Variants in FGF3 observed in about 807,000 individuals in gnomAD.
FGF3 encodes the protein fibroblast growth factor 3, also known as FGF-3.
FGF3 carries 7 observed loss-of-function variants against 9.8 expected under a neutral mutation model. The ratio of observed to expected loss-of-function variants is 0.72; its 90% CI spans 0.41 to 1.35. The LOEUF is 1.35. FGF3 is among the 40% of genes most tolerant of loss of function. FGF3 has a pLI of 0.01. For missense variants in FGF3, 390 were observed against 345.6 expected (o/e 1.13, Z -1.02); for synonymous variants, 173 against 157.2 (o/e 1.10, Z -0.75).
At position 69,818,868 on chromosome 11, in the gene FGF3, C is replaced by G; in HGVS notation, c.66G>C (p.Gly22=). 1 of 1,464,192 alleles carries G rather than the reference C, an allele frequency of 6.8e-7. No individual in the cohort carries two copies. The highest frequency in any genetic ancestry group is 9.0e-7 in the Non-Finnish European group (1 of 1,114,410). The allele number at this position is 1,464,192 out of a possible 1,614,324, so 90.7% of individuals were successfully genotyped here. ...CGCCCGCATCGCGCCGCAACCGCGC[C>G]CCAGGGCCCGCTGCGGGCCAGCCGG... ...LEPGWPAAGP[G]ARLRRDAGGR... is the part of the protein sequence containing the mutation. Residue 22 remains glycine (G), a synonymous_variant, in exon 1 of 3, where the codon GGG becomes GGC. Transcript: ENST00000334134.
At position 69,818,754 on chromosome 11, in the gene FGF3, C is replaced by T. The variant is rs1554981394; in HGVS notation, c.180G>A (p.Pro60=). The T allele has an allele frequency of 1.3e-6, 2 of 1,494,892 alleles. No individual in the cohort carries two copies. Among genetic ancestry groups the T allele is most frequent in the Admixed American group, 2.2e-5 (1 of 46,010 alleles). 92.6% of individuals were successfully genotyped at this position (1,494,892 alleles called of 1,614,324 possible). A position where few individuals can be genotyped will look rare whatever the true frequency, so the allele number is the denominator to read the frequency against. The change falls in exon 1 of 3, where the codon CCG becomes CCA. Residue 60 remains proline (P), a synonymous_variant. Coordinates refer to ENST00000334134, the MANE Select transcript of FGF3 (RefSeq NM_005247.4). ...CCAGGCTGCCGTTGACGCGGCCGCT[C>T]GGGTGCAGCTGGAGGTGGTACTTCG... The part of the protein sequence containing the change: ...CATKYHLQLH[P]SGRVNGSLEN...
chr11:69,818,682 TC>T, intron 1 of FGF3, 31 bp downstream of exon 1: 9 of 1,432,592 alleles, frequency 6.3e-6, no homozygotes, highest in South Asian at 5.5e-5. Flanking sequence ...CGGCGCCGCT[TC>T]CCCCGGGGCC....
chr11:69,815,776 A>G (rs1554981038), intron 2 of FGF3, among the ~76,000 whole-genome samples: 1 of 152,188 alleles, frequency 6.6e-6, no homozygotes, highest in Admixed American at 6.5e-5. Flanking sequence ...CCCAGGCAGT[A>G]GATAGACTGG....
In FGF3 at chr11:69,818,974, C is replaced by A. The variant is rs1308713489; in HGVS notation, c.-41G>T. ...GCCCCGCGGCGGCGGCGGCTGCAGG[C>A]GAGCGCGGCGCCCATGGAAGGGGCG... is the stretch of plus-strand genomic sequence containing the variant. On this transcript the variant is annotated 5_prime_UTR_variant, in exon 1 of 3. Coordinates refer to ENST00000334134, the MANE Select transcript of FGF3 (RefSeq NM_005247.4). 12 of 1,352,914 alleles carry A rather than the reference C, an allele frequency of 8.9e-6. No homozygotes were observed. The highest frequency in any genetic ancestry group is 1.1e-5 in the Non-Finnish European group (11 of 1,024,122). The allele number at this position is 1,352,914 out of a possible 1,614,324, so 83.8% of individuals were successfully genotyped here.
In FGF3 at chr11:69,816,302, G is replaced by T; in HGVS notation, c.324+18C>A. Reference sequence around the variant, plus strand: ...CGCTACTCCGTCAGCGCCCACCCACGTGACAGCCTGGACTCACCGAAGCAT... The same window carrying T: ...CGCTACTCCGTCAGCGCCCACCCACTTGACAGCCTGGACTCACCGAAGCAT... On this transcript the variant is annotated intron_variant, in intron 2 of 2. Coordinates refer to ENST00000334134, the MANE Select transcript of FGF3 (RefSeq NM_005247.4). The T allele has an allele frequency of 6.3e-7, 1 of 1,594,364 alleles. No individual in the cohort carries two copies. The highest frequency in any genetic ancestry group is 8.6e-7 in the Non-Finnish European group (1 of 1,162,122).
At chr11:69,813,942 G>T (rs1554980808) in intron 2 of FGF3, among the ~76,000 whole-genome samples, 6 of 151,134 alleles carry the variant, frequency 4.0e-5, no homozygotes, top group Admixed American at 1.3e-4. Flanking sequence ...ATGGGTTGAT[G>T]GGTGGATGGG....
At chr11:69,811,363 T>A (rs1281958494) in intron 2 of FGF3, among the ~76,000 whole-genome samples, 2 of 143,470 alleles carry the variant, frequency 1.4e-5, no homozygotes, top group African/African-American at 5.3e-5. Flanking sequence ...GGCAGGAGAA[T>A]CACTTGAACC....
rs281860300 is a variant in FGF3 at position 69,818,788 on chromosome 11, T to C, written c.146A>G (p.Tyr49Cys). 4.0e-6 allele frequency: 6 copies of C among 1,495,158 alleles called. No individual in the cohort carries two copies. Among genetic ancestry groups the C allele is most frequent in the African/African-American group, 1.5e-5 (1 of 68,720 alleles). 92.6% of individuals were successfully genotyped at this position (1,495,158 alleles called of 1,614,324 possible). A position where few individuals can be genotyped will look rare whatever the true frequency, so the allele number is the denominator to read the frequency against. Residue 49 changes from tyrosine to cysteine, a missense_variant, in exon 1 of 3, where the codon TAC becomes TGC. Physicochemically the swap from Tyr to Cys is radical, Grantham distance 194. Transcript: ENST00000334134. ...CTGGAGGTGGTACTTCGTGGCGCAG[T>C]AGAGCTTGCGGCGCCGGGGCGCCCC... ...LGGAPRRRKL[Y>C]CATKYHLQLH...
At position 69,810,578 on chromosome 11, in the gene FGF3, G is replaced by A. The variant is rs782760250; in HGVS notation, c.447C>T (p.Ala149=). The change falls in exon 3 of 3, where the codon GCC becomes GCT. Residue 149 remains alanine (A), a synonymous_variant. Coordinates refer to ENST00000334134, the MANE Select transcript of FGF3 (RefSeq NM_005247.4). ...TCACAGACACGTACCACAGTCTCTC[G>A]GCGCTGGGCTGCCGGCGGGCCCCAG... ...STPGARRQPS[A]ERLWYVSVNG... 20 of 1,611,698 alleles carry A rather than the reference G, an allele frequency of 1.2e-5. No homozygotes were observed. The highest frequency in any genetic ancestry group is 6.7e-5 in the East Asian group (3 of 44,832).
chr11:69,818,857 C>T lies in FGF3; in HGVS notation c.77G>A (p.Arg26Gln), dbSNP rs782733556. Reference protein sequence around the residue: ...WPAAGPGARLRRDAGGRGGVY... With the variant: ...WPAAGPGARLQRDAGGRGGVY... ...GCCGCCACGGCCGCCCGCATCGCGC[C>T]GCAACCGCGCCCCAGGGCCCGCTGC... is the stretch of plus-strand genomic sequence containing the variant. Residue 26 changes from arginine to glutamine, a missense_variant, in exon 1 of 3, where the codon CGG becomes CAG. Physicochemically the swap from Arg to Gln is conservative, Grantham distance 43 (BLOSUM62 1). Transcript: ENST00000334134. 5 of 1,466,262 alleles carry T rather than the reference C, an allele frequency of 3.4e-6. No homozygotes were observed. The South Asian group carries it at 5.2e-5, about 15-fold the overall frequency. The allele number at this position is 1,466,262 out of a possible 1,614,324, so 90.8% of individuals were successfully genotyped here.
rs567264216 is a variant in FGF3 at position 69,813,118 on chromosome 11, C to A, written c.325-2418G>T. Among the ~76,000 whole-genome samples the A allele has an allele frequency of 6.6e-5, 10 of 152,306 alleles. No individual in the cohort carries two copies. In the South Asian group the frequency reaches 1.0e-3, roughly 16 times the overall value. On this transcript the variant is annotated intron_variant, in intron 2 of 2. Transcript: ENST00000334134. ...GGCCCCTCCCCCAGGGCCGCTTCCA[C>A]CCCATGAAGGGTGGGGAGGAAGCCG...
chr11:69,813,002 A>G (rs1208814769), intron 2 of FGF3, among the ~76,000 whole-genome samples: 1 of 152,068 alleles, frequency 6.6e-6, no homozygotes, highest in Admixed American at 6.5e-5. Flanking sequence ...CCAGGGCCAT[A>G]GACTCCAGAG....
intron 2 of FGF3, among the ~76,000 whole-genome samples, chr11:69,813,119 C>T (rs1176270427): frequency 2.0e-5 from 3 of 152,166 alleles, no homozygotes; most frequent in Non-Finnish European, 4.4e-5. Flanking sequence ...CCGCTTCCAC[C>T]CCATGAAGGG....
At chr11:69,816,852 G>A (rs1203063861) in intron 1 of FGF3, among the ~76,000 whole-genome samples, 5 of 152,176 alleles carry the variant, frequency 3.3e-5, no homozygotes, top group Non-Finnish European at 4.4e-5. Context: ...TGAGCTCTGG[G>A]ACTGCACGGT....
chr11:69,818,707 C>G lies in FGF3; in HGVS notation c.220+7G>C. ...TCCCCCGGGGCCCCGCAGCGTCCGG[C>G]ACTCACTGTAGGCGCTGTTCTCCAG... On this transcript the variant is annotated splice_region_variant and intron_variant, in intron 1 of 2. Coordinates refer to ENST00000334134, the MANE Select transcript of FGF3 (RefSeq NM_005247.4). The G allele has an allele frequency of 6.8e-7, 1 of 1,477,506 alleles. No homozygotes were observed. The allele number at this position is 1,477,506 out of a possible 1,614,324, so 91.5% of individuals were successfully genotyped here. A position where few individuals can be genotyped will look rare whatever the true frequency, so the allele number is the denominator to read the frequency against.
At chr11:69,813,804 A>ATGGATGGATGGG (rs1565115012) in intron 2 of FGF3, among the ~76,000 whole-genome samples, 11 of 54,782 alleles carry the variant, frequency 2.0e-4, no homozygotes, top group Non-Finnish European at 4.3e-4. Context: ...GGATGGATGG[A>ATGGATGGATGGG]TGGGTGGATG....
At position 69,818,813 on chromosome 11, in the gene FGF3, C is replaced by G; in HGVS notation, c.121G>C (p.Gly41Arg). 3 of 1,489,588 alleles carry G rather than the reference C, an allele frequency of 2.0e-6. No homozygotes were observed. Among genetic ancestry groups the G allele is most frequent in the East Asian group, 2.8e-5 (1 of 35,344 alleles). 92.3% of individuals were successfully genotyped at this position (1,489,588 alleles called of 1,614,324 possible). A position where few individuals can be genotyped will look rare whatever the true frequency, so the allele number is the denominator to read the frequency against. The change falls in exon 1 of 3, where the codon GGG becomes CGG. Residue 41 changes from glycine (G) to arginine (R), a missense_variant. Coordinates refer to ENST00000334134, the MANE Select transcript of FGF3 (RefSeq NM_005247.4). ...TAGAGCTTGCGGCGCCGGGGCGCCC[C>G]GCCAAGGTGCTCGTAGACGCCGCCA... ...GRGGVYEHLGGAPRRRKLYCA... is the reference protein window; with the variant it reads ...GRGGVYEHLGRAPRRRKLYCA...
intron 2 of FGF3, among the ~76,000 whole-genome samples, chr11:69,815,639 C>G (rs1856118765): frequency 6.6e-6 from 1 of 152,132 alleles, no homozygotes; most frequent in African/African-American, 2.4e-5. Flanking sequence ...CATGTAATGA[C>G]TAGTTGGAGG....
In FGF3 at chr11:69,810,710, T is replaced by C; in HGVS notation, c.325-10A>G. 6.4e-7 allele frequency: 1 copy of C among 1,556,528 alleles called. No individual in the cohort carries two copies. Among genetic ancestry groups the C allele is most frequent in the East Asian group, 2.3e-5 (1 of 43,790 alleles). On this transcript the variant is annotated splice_polypyrimidine_tract_variant and intron_variant, in intron 2 of 2. Coordinates refer to ENST00000334134, the MANE Select transcript of FGF3 (RefSeq NM_005247.4). ...CGGCGCTGTAGTGCTCCTGCGGGGA[T>C]GAGATATCATGGTCAGTGCCCCGGG...
Sources: gnomAD v4.1 joint callset for allele counts (sites outside exome capture counted in the v4.1 genomes callset) on GRCh38, gnomAD v4.1.1 for gene constraint, MANE v1.5 for transcripts, NCBI Gene and HGNC (gene_info 2026-07-23, HGNC 2026-07-21) for gene names.